FBXL17: variants seen among roughly 807,000 people sequenced by gnomAD.
FBXL17 encodes the protein F-box and leucine rich repeat protein 17.
In FBXL17, 22 loss-of-function variants were observed where a neutral mutation model predicts 66.2. The observed-to-expected ratio is 0.33, with a 90% CI of 0.24 to 0.47. The LOEUF is 0.47. FBXL17 is among the 20% of genes least tolerant of loss of function. The pLI, the probability that FBXL17 is intolerant of heterozygous loss-of-function variation, is 1.00. For synonymous variants in FBXL17, 474 were observed against 400.5 expected (o/e 1.18, Z -2.19); for missense variants, 878 against 948.2 (o/e 0.93, Z 0.97).
intron 7 of FBXL17, among the ~76,000 whole-genome samples, chr5:107,907,342 TAGAATGAAATTATTC>T (rs2112541296): frequency 6.6e-6 from 1 of 152,292 alleles, no homozygotes; most frequent in African/African-American, 2.4e-5. Flanking sequence ...TTTGTGCTTT[TAGAATGAAATTATTC>T]AGCAGCCACA....
At chr5:108,358,615 T>A (rs1374206725) in intron 3 of FBXL17, among the ~76,000 whole-genome samples, 1 of 152,134 alleles carries the variant, frequency 6.6e-6, no homozygotes, top group Admixed American at 6.5e-5. Context: ...TACATACTCG[T>A]TAAAGATACT....
intron 7 of FBXL17, among the ~76,000 whole-genome samples, chr5:107,959,530 A>G (rs999203121): frequency 6.6e-6 from 1 of 151,956 alleles, no homozygotes; most frequent in Non-Finnish European, 1.5e-5. Flanking sequence ...CTCACTCATC[A>G]AACTCACCGG....
At chr5:108,028,566 T>C (rs1754914487) in intron 6 of FBXL17, among the ~76,000 whole-genome samples, 1 of 152,160 alleles carries the variant, frequency 6.6e-6, no homozygotes. Flanking sequence ...AACTCTGCTT[T>C]GCAGTGACTA....
At chr5:108,076,545 T>A in intron 6 of FBXL17, among the ~76,000 whole-genome samples, 1 of 129,632 alleles carries the variant, frequency 7.7e-6, no homozygotes, top group African/African-American at 2.7e-5. Flanking sequence ...AAGCATAAAA[T>A]GTGATTTTTT....
At chr5:108,275,780 A>C (rs577515692) in intron 4 of FBXL17, among the ~76,000 whole-genome samples, 10 of 152,290 alleles carry the variant, frequency 6.6e-5, no homozygotes, top group African/African-American at 2.2e-4. Context: ...CTAACTCTAG[A>C]GCTTGCTCAA....
At chr5:108,088,858 A>G (rs1749078140) in intron 6 of FBXL17, among the ~76,000 whole-genome samples, 1 of 152,156 alleles carries the variant, frequency 6.6e-6, no homozygotes, top group South Asian at 2.1e-4. Flanking sequence ...ACTAATACAC[A>G]GATAAGCATA....
At chr5:108,300,262 T>A (rs761736051) in intron 4 of FBXL17, among the ~76,000 whole-genome samples, 1 of 151,990 alleles carries the variant, frequency 6.6e-6, no homozygotes, top group Non-Finnish European at 1.5e-5. Flanking sequence ...AATATGTATC[T>A]ATCCTTCAAT....
chr5:107,980,664 A>ATATATATATTTTTTTTTTTTTTTTT, intron 7 of FBXL17, among the ~76,000 whole-genome samples: 1 of 62,078 alleles, frequency 1.6e-5, no homozygotes, highest in Non-Finnish European at 2.7e-5. Flanking sequence ...ATATATATAT[A>ATATATATATTTTTTTTTTTTTTTTT]TTTTTTTTTT....
intron 5 of FBXL17, among the ~76,000 whole-genome samples, chr5:108,195,166 A>C (rs1753630095): frequency 6.6e-6 from 1 of 152,110 alleles, no homozygotes; most frequent in Non-Finnish European, 1.5e-5. Context: ...GGAGGGGGCA[A>C]TAAATAAAAT....
At chr5:108,321,778 A>T (rs1028167483) in intron 4 of FBXL17, among the ~76,000 whole-genome samples, 8 of 151,878 alleles carry the variant, frequency 5.3e-5, no homozygotes, top group Non-Finnish European at 1.0e-4. Context: ...CTAAAACTAA[A>T]TGACAAACAA....
At chr5:108,269,082 G>T (rs929559062) in intron 4 of FBXL17, among the ~76,000 whole-genome samples, 1 of 151,976 alleles carries the variant, frequency 6.6e-6, no homozygotes, top group Non-Finnish European at 1.5e-5. Context: ...GGTTTCATAA[G>T]GTTGTTTGTA....
intron 6 of FBXL17, among the ~76,000 whole-genome samples, chr5:108,063,013 AT>A (rs908815366): frequency 3.9e-5 from 6 of 151,984 alleles, no homozygotes; most frequent in South Asian, 2.1e-4. Flanking sequence ...TTCTTTTTGT[AT>A]TTTTTTCTCA....
At chr5:108,293,131 T>G (rs552421594) in intron 4 of FBXL17, among the ~76,000 whole-genome samples, 1 of 151,248 alleles carries the variant, frequency 6.6e-6, no homozygotes, top group African/African-American at 2.4e-5. Flanking sequence ...ACTTGTTGAA[T>G]AGAAACAGTA....
Position 108,283,824 on chromosome 5 carries a change from C to G in FBXL17, c.1507-59596G>C, listed in dbSNP as rs564268232. ...ATACAGAATATACAAAGAACTCAAA[C>G]AGCTCACCAACAACCAAAGACTACA... On this transcript the variant is annotated intron_variant, in intron 4 of 8. Transcript: ENST00000542267. Among the ~76,000 whole-genome samples, 13 of 151,796 alleles carry G rather than the reference C, an allele frequency of 8.6e-5. No individual in the cohort carries two copies. In the South Asian group the frequency reaches 2.3e-3, roughly 27 times the overall value.
At chr5:108,057,206 A>G (rs1747742900) in intron 6 of FBXL17, among the ~76,000 whole-genome samples, 1 of 152,226 alleles carries the variant, frequency 6.6e-6, no homozygotes, top group East Asian at 1.9e-4. Flanking sequence ...TTTACAAAAA[A>G]ATGCCTTAAA....
chr5:108,201,822 T>C (rs1460092875), intron 5 of FBXL17, among the ~76,000 whole-genome samples: 1 of 143,192 alleles, frequency 7.0e-6, no homozygotes, highest in Non-Finnish European at 1.5e-5. Context: ...ATAAAATTTC[T>C]GCCACAAAAC....
chr5:108,061,858 A>G (rs1463818538), intron 6 of FBXL17, among the ~76,000 whole-genome samples: 2 of 151,664 alleles, frequency 1.3e-5, no homozygotes, highest in Non-Finnish European at 2.9e-5. Context: ...TAAGCTCTCT[A>G]GGCTTCATTT....
intron 4 of FBXL17, among the ~76,000 whole-genome samples, chr5:108,284,319 T>C (rs1328276585): frequency 6.6e-6 from 1 of 151,824 alleles, no homozygotes; most frequent in East Asian, 1.9e-4. Context: ...TAAGTGTCCA[T>C]CAACAGATAA....
At chr5:108,308,654 T>G (rs989591554) in intron 4 of FBXL17, among the ~76,000 whole-genome samples, 1 of 152,164 alleles carries the variant, frequency 6.6e-6, no homozygotes, top group African/African-American at 2.4e-5. Context: ...ATGAGCACTG[T>G]GACACATCAG....
Sources: gnomAD v4.1 joint callset for allele counts (sites outside exome capture counted in the v4.1 genomes callset) on GRCh38, gnomAD v4.1.1 for gene constraint, MANE v1.5 for transcripts, NCBI Gene and HGNC (gene_info 2026-07-23, HGNC 2026-07-21) for gene names.